Variants in SH3BGR observed in about 807,000 individuals in gnomAD.
The protein encoded by SH3BGR is SH3 domain-binding glutamic acid-rich protein.
SH3BGR carries 29 observed loss-of-function variants against 24.5 expected under a neutral mutation model. That is an observed-to-expected ratio of 1.18 (90% CI 0.88 to 1.61). The LOEUF (loss-of-function observed/expected upper bound fraction) is 1.61. SH3BGR is among the 40% of genes most tolerant of loss of function. The pLI is 0.00. For synonymous variants in SH3BGR, 55 were observed against 65.7 expected (o/e 0.84, Z 0.79); for missense variants, 162 against 205.8 (o/e 0.79, Z 1.30).
chr21:39,497,271 G>A (rs1347738246), intron 3 of SH3BGR, among the ~76,000 whole-genome samples: 1 of 151,148 alleles, frequency 6.6e-6, no homozygotes, highest in African/African-American at 2.4e-5. Flanking sequence ...TAATCTGAAT[G>A]TAATGGGAAA....
chr21:39,513,272 A>G (rs80342760), intron 6 of SH3BGR, among the ~76,000 whole-genome samples: 13,043 of 152,236 alleles, frequency 0.086, 808 homozygotes, highest in African/African-American at 0.17. Flanking sequence ...TCTCTAGTTA[A>G]GAATTGGTGC....
In SH3BGR at chr21:39,475,279, C is replaced by T. The variant is rs940514852; in HGVS notation, c.312+64C>T. On this transcript the variant is annotated intron_variant, in intron 3 of 6. Coordinates refer to ENST00000333634, the MANE Select transcript of SH3BGR (RefSeq NM_007341.3). ...AATACTAAATGAAGGTAGAAATCAC[C>T]GCATCCAAGACTGTTTAATACATGA... The T allele has an allele frequency of 4.2e-5, 41 of 974,998 alleles. No individual in the cohort carries two copies. In the African/African-American group the frequency reaches 4.5e-4, roughly 11 times the overall value. 60.4% of individuals were successfully genotyped at this position (974,998 alleles called of 1,614,324 possible). A position where few individuals can be genotyped will look rare whatever the true frequency, so the allele number is the denominator to read the frequency against.
At chr21:39,453,416 T>G (rs909301789) in intron 1 of SH3BGR, among the ~76,000 whole-genome samples, 7 of 152,000 alleles carry the variant, frequency 4.6e-5, no homozygotes, top group Non-Finnish European at 1.0e-4. Context: ...AAAATTTTTT[T>G]GGGGGGGAAA....
At chr21:39,459,749 A>G (rs1350507135) in intron 1 of SH3BGR, among the ~76,000 whole-genome samples, 2 of 151,370 alleles carry the variant, frequency 1.3e-5, no homozygotes, top group African/African-American at 4.9e-5. Flanking sequence ...TAGAGGCCCC[A>G]TCTCGACAAA....
chr21:39,481,133 A>T (rs2078123798), intron 3 of SH3BGR, among the ~76,000 whole-genome samples: 1 of 152,186 alleles, frequency 6.6e-6, no homozygotes, highest in Admixed American at 6.5e-5. Flanking sequence ...CATTTTATTA[A>T]TATTTTTAAA....
At chr21:39,504,296 C>T (rs560261393) in intron 4 of SH3BGR, among the ~76,000 whole-genome samples, 7 of 152,288 alleles carry the variant, frequency 4.6e-5, no homozygotes, top group African/African-American at 1.7e-4. Flanking sequence ...TGGGTCTCAG[C>T]CTGGGTCCCT....
rs1216069096 is a variant in SH3BGR at position 39,480,554 on chromosome 21, A to G, written c.312+5339A>G. Among the ~76,000 whole-genome samples the G allele has an allele frequency of 7.9e-5, 12 of 152,224 alleles. 1 individual carries two copies. Among genetic ancestry groups the G allele is most frequent in the African/African-American group, 2.4e-5 (1 of 41,460 alleles). ...TCTTTGTTAGGGCAGACTACTATCC[A>G]TGGCACGAATGGATGGACTGCATTT... On this transcript the variant is annotated intron_variant, in intron 3 of 6. Coordinates refer to ENST00000333634, the MANE Select transcript of SH3BGR (RefSeq NM_007341.3).
chr21:39,504,225 A>G (rs1397473104), intron 4 of SH3BGR, among the ~76,000 whole-genome samples: 8 of 152,186 alleles, frequency 5.3e-5, no homozygotes, highest in African/African-American at 1.7e-4. Context: ...GCTTCCTCCA[A>G]TAGCAGTCTT....
At chr21:39,449,097 T>C (rs1239153409), upstream of SH3BGR, among the ~76,000 whole-genome samples, 3 of 152,150 alleles carry the variant, frequency 2.0e-5, no homozygotes, top group Non-Finnish European at 2.9e-5. Context: ...ATGCTAGAAC[T>C]CCACCCCAAG....
chr21:39,459,141 T>C (rs1235209652), intron 1 of SH3BGR, among the ~76,000 whole-genome samples: 3 of 152,046 alleles, frequency 2.0e-5, no homozygotes, highest in Non-Finnish European at 4.4e-5. Flanking sequence ...AACTGTTGAT[T>C]GATTATTTGT....
intron 4 of SH3BGR, among the ~76,000 whole-genome samples, 184 bp from the exon 5 acceptor site, chr21:39,508,814 T>C (rs953314352): frequency 1.3e-5 from 2 of 152,236 alleles, no homozygotes; most frequent in Non-Finnish European, 2.9e-5. Context: ...TGAAATATAA[T>C]GTATGAAAGA....
At chr21:39,457,624 A>G (rs2077684291) in intron 1 of SH3BGR, among the ~76,000 whole-genome samples, 1 of 151,312 alleles carries the variant, frequency 6.6e-6, no homozygotes, top group Non-Finnish European at 1.5e-5. Flanking sequence ...GATTTGTCTT[A>G]CCTTTCCTTA....
At chr21:39,458,399 T>A (rs1222808701) in intron 1 of SH3BGR, among the ~76,000 whole-genome samples, 2 of 152,036 alleles carry the variant, frequency 1.3e-5, no homozygotes, top group Non-Finnish European at 2.9e-5. Context: ...AGTACAGTGG[T>A]GCAATATTGG....
intron 4 of SH3BGR, among the ~76,000 whole-genome samples, chr21:39,505,772 A>C (rs2123531347): frequency 6.6e-6 from 1 of 152,316 alleles, no homozygotes. Context: ...TCTCAAAAAA[A>C]AAGAGTGCTA....
At chr21:39,501,792 A>G (rs1569173048) in intron 4 of SH3BGR, among the ~76,000 whole-genome samples, 2 of 152,222 alleles carry the variant, frequency 1.3e-5, no homozygotes, top group South Asian at 4.1e-4. Flanking sequence ...TAAGAAGGAG[A>G]CAAACACCAC....
At chr21:39,475,651 G>T (rs908818904) in intron 3 of SH3BGR, among the ~76,000 whole-genome samples, 2 of 152,080 alleles carry the variant, frequency 1.3e-5, no homozygotes, top group Admixed American at 6.5e-5. Flanking sequence ...CTACATTTTG[G>T]TCTCATAAAA....
At chr21:39,488,555 G>T in intron 3 of SH3BGR, 1 of 347,704 alleles carries the variant, frequency 2.9e-6, no homozygotes. Context: ...TGCAGACTGT[G>T]GCCAGGAACA....
At chr21:39,484,495 T>A (rs1174622240) in intron 3 of SH3BGR, among the ~76,000 whole-genome samples, 1 of 152,264 alleles carries the variant, frequency 6.6e-6, no homozygotes, top group African/African-American at 2.4e-5. Flanking sequence ...CAGCCTCTGC[T>A]GTGTTTTATC....
chr21:39,458,699 T>G (rs941105902), intron 1 of SH3BGR, among the ~76,000 whole-genome samples: 1 of 150,000 alleles, frequency 6.7e-6, no homozygotes, highest in Non-Finnish European at 1.5e-5. Context: ...CAGGCTGGAG[T>G]GCAGTGGCAT....
Sources: allele counts gnomAD v4.1 joint callset (sites outside exome capture counted in the v4.1 genomes callset), GRCh38; gene constraint gnomAD v4.1.1; transcripts MANE v1.5; gene names NCBI Gene and HGNC (gene_info 2026-07-23, HGNC 2026-07-21).